Variants in DBN1 observed in about 807,000 individuals in gnomAD.
DBN1 encodes the protein drebrin.
DBN1 carries 21 observed loss-of-function variants against 83.5 expected under a neutral mutation model. That is an observed-to-expected ratio of 0.25 (90% CI 0.18 to 0.36). The LOEUF is 0.36. Among genes scored for constraint, DBN1 ranks in the 10% least tolerant of loss-of-function variants. The pLI is 1.00. For missense variants in DBN1, 874 were observed against 935.7 expected, an observed-to-expected ratio of 0.93 and a Z score of 0.86; for synonymous variants, 381 against 384.9, an observed-to-expected ratio of 0.99 and a Z score of 0.12.
chr5:177,460,041 C>A (rs949834296), intron 10 of DBN1, among the ~76,000 whole-genome samples: 1 of 152,218 alleles, frequency 6.6e-6, no homozygotes, highest in Non-Finnish European at 1.5e-5. Flanking sequence ...CACTGAGAAG[C>A]GGAACGGGGA....
At chr5:177,468,474 A>T in intron 2 of DBN1, 1 of 558,758 alleles carries the variant, frequency 1.8e-6, no homozygotes, top group Non-Finnish European at 3.2e-6. Context: ...CTTCACACTC[A>T]GGTCTCATTC....
At position 177,457,756 on chromosome 5, in the gene DBN1, G is replaced by C; in HGVS notation, c.1916C>G (p.Ala639Gly). The change falls in exon 14 of 15, where the codon GCC (alanine) becomes GGC (glycine). Residue 639 changes from alanine (A) to glycine (G), a missense_variant and splice_region_variant. Coordinates refer to ENST00000393565, the MANE Select transcript of DBN1 (RefSeq NM_001363541.2). ...GETTQKEGTQ[A>G]SEGYFSQSQE... ...TGATTGACTGAAGTACCCCTCACTG[G>C]CCTGCAGGGGAAAGCATCAGGTCAC... The C allele has an allele frequency of 6.3e-7, 1 of 1,598,148 alleles. No individual in the cohort carries two copies. Among genetic ancestry groups the C allele is most frequent in the Non-Finnish European group, 8.6e-7 (1 of 1,166,070 alleles).
Position 177,467,903 on chromosome 5 carries a change from G to T in DBN1, c.256-86C>A. ...GTGCATCTTCCCCGGGGTGGGAAGA[G>T]GGTGGGCTTCCCTCTCCACGGGTGT... On this transcript the variant is annotated intron_variant, in intron 3 of 14. Coordinates refer to ENST00000393565, the MANE Select transcript of DBN1 (RefSeq NM_001363541.2). The surrounding 1 kb of genome is among the most constrained non-coding windows in gnomAD (Gnocchi z 9.1). The T allele has an allele frequency of 1.3e-6, 2 of 1,508,360 alleles. No homozygotes were observed. The highest frequency in any genetic ancestry group is 1.7e-5 in the Admixed American group (1 of 58,776). 93.4% of individuals were successfully genotyped at this position (1,508,360 alleles called of 1,614,324 possible). A position where few individuals can be genotyped will look rare whatever the true frequency, so the allele number is the denominator to read the frequency against.
At chr5:177,460,800 G>T in intron 8 of DBN1, 97 bp from the exon 9 acceptor site, 1 of 1,308,736 alleles carries the variant, frequency 7.6e-7, no homozygotes, top group Non-Finnish European at 1.1e-6. Flanking sequence ...TTGTTTTTAA[G>T]ACAGGTTCTC....
At chr5:177,465,769 C>T (rs556883128) in intron 8 of DBN1, among the ~76,000 whole-genome samples, 2 of 150,606 alleles carry the variant, frequency 1.3e-5, no homozygotes, top group Admixed American at 6.6e-5. Flanking sequence ...GCGGGAGAAT[C>T]GCTTGAACCT....
In DBN1 at chr5:177,460,668, C is replaced by T. The variant is rs139280919; in HGVS notation, c.807G>A (p.Met269Ile). 5.5e-5 allele frequency: 88 copies of T among 1,614,212 alleles called. No homozygotes were observed. Among genetic ancestry groups the T allele is most frequent in the Non-Finnish European group, 6.9e-5 (81 of 1,180,036 alleles). ...DHRDEEEETHMKKSESEVEEA... is the reference protein window; with the variant it reads ...DHRDEEEETHIKKSESEVEEA... ...CCTCCACCTCCGACTCTGACTTCTT[C>T]ATGTGGGTCTCTTCCTCCTCATCCC... The change falls in exon 9 of 15, where the codon ATG becomes ATA. Residue 269 changes from methionine to isoleucine, a missense_variant. Physicochemically the swap from Met to Ile is conservative, Grantham distance 10 (BLOSUM62 1). Around this residue, in one of 4 missense-constraint regions of DBN1, gnomAD observed 725 missense variants for 719.7 expected, o/e 1.01. Transcript: ENST00000393565.
chr5:177,460,850 G>T (rs1756979778), intron 8 of DBN1, 147 bp from the exon 9 acceptor site: 3 of 757,268 alleles, frequency 4.0e-6, no homozygotes, highest in Admixed American at 5.0e-5. Flanking sequence ...TACAATCACG[G>T]CTCACTGCAG....
chr5:177,464,921 G>A (rs1466409885), intron 8 of DBN1, among the ~76,000 whole-genome samples: 2 of 152,088 alleles, frequency 1.3e-5, no homozygotes, highest in Non-Finnish European at 2.9e-5. Context: ...TTGGGTGGCT[G>A]AGGTGGGCAG....
chr5:177,463,829 T>C (rs553522180), intron 8 of DBN1, among the ~76,000 whole-genome samples: 2 of 152,218 alleles, frequency 1.3e-5, no homozygotes, highest in Non-Finnish European at 2.9e-5. Context: ...TTTGAAATGT[T>C]AGCAAAAAAA....
chr5:177,458,982 T>C, intron 12 of DBN1, 116 bp downstream of exon 12: 1 of 1,497,848 alleles, frequency 6.7e-7, no homozygotes, highest in Non-Finnish European at 8.9e-7. Context: ...TCCAGGGCAG[T>C]GCAGTCTTGG....
intron 2 of DBN1, 41 bp downstream of exon 2, chr5:177,468,803 G>T (rs1196613341): frequency 8.5e-6 from 11 of 1,290,400 alleles, no homozygotes; most frequent in Non-Finnish European, 1.0e-5. Flanking sequence ...ACCAGGAGGA[G>T]GGGGTGGAGA....
intron 1 of DBN1, among the ~76,000 whole-genome samples, chr5:177,469,813 G>T (rs1757717842): frequency 6.6e-6 from 1 of 152,244 alleles, no homozygotes; most frequent in South Asian, 2.1e-4. Context: ...TGGGAGGGAG[G>T]AGAGCCGGGG....
Position 177,473,574 on chromosome 5 carries a change from G to A in DBN1, c.-53C>T, listed in dbSNP as rs573227502. 1.2e-3 allele frequency: 1,485 copies of A among 1,222,332 alleles called. 14 individuals carry two copies. In the African/African-American group the frequency reaches 0.019, roughly 16 times the overall value. The allele number at this position is 1,222,332 out of a possible 1,614,324, so 75.7% of individuals were successfully genotyped here. A position where few individuals can be genotyped will look rare whatever the true frequency, so the allele number is the denominator to read the frequency against. On this transcript the variant is annotated 5_prime_UTR_variant, in exon 1 of 15. Coordinates refer to ENST00000393565, the MANE Select transcript of DBN1 (RefSeq NM_001363541.2). ...CAGACGCGCGGACGGACGGGCGGAC[G>A]GAGGAGGAGGGAGGGAAAGAGGGAG...
Position 177,458,831 on chromosome 5 carries a change from C to T in DBN1, c.1265-124G>A, listed in dbSNP as rs569844975. 8.6e-5 allele frequency: 94 copies of T among 1,095,348 alleles called. No individual in the cohort carries two copies. The African/African-American group carries it at 1.4e-3, about 16-fold the overall frequency. 67.9% of individuals were successfully genotyped at this position (1,095,348 alleles called of 1,614,324 possible). On this transcript the variant is annotated intron_variant, in intron 12 of 14. Transcript: ENST00000393565. ...ATGCAGGTGTCCCACTGCCCCCTTA[C>T]CCAGTGACCCCAGTGACTTTAAGCC... is the stretch of plus-strand genomic sequence containing the variant.
rs1172088144 is a variant in DBN1 at position 177,460,531 on chromosome 5, G to T, written c.856C>A (p.Arg286=). Residue 286 remains arginine (R), a synonymous_variant, in exon 10 of 15, where the codon CGG becomes AGG. Transcript: ENST00000393565. ...VEEAAAIIAQ[R]PDNPREFFKQ... ...AAGAACTCCCTTGGGTTGTCAGGCC[G>T]CTGGGCAATAATAGCTGCTGCCTCC... 6 of 1,614,164 alleles carry T rather than the reference G, an allele frequency of 3.7e-6. No individual in the cohort carries two copies. In the East Asian group the frequency reaches 8.9e-5, roughly 24 times the overall value.
intron 8 of DBN1, chr5:177,462,429 T>A (rs746748039): frequency 8.2e-5 from 81 of 985,042 alleles, no homozygotes; most frequent in Non-Finnish European, 9.3e-5. Context: ...AACAAGAGGC[T>A]TGTTCAGGTC....
At position 177,457,694 on chromosome 5, in the gene DBN1, C is replaced by G. The variant is rs1256289002; in HGVS notation, c.1978G>C (p.Ala660Pro). 3.7e-6 allele frequency: 6 copies of G among 1,611,966 alleles called. No homozygotes were observed. Among genetic ancestry groups the G allele is most frequent in the Non-Finnish European group, 5.1e-6 (6 of 1,178,340 alleles). The change falls in exon 14 of 15, where the codon GCC becomes CCC. Residue 660 changes from alanine to proline, a missense_variant. Physicochemically the swap from Ala to Pro is conservative, Grantham distance 27. Coordinates refer to ENST00000393565, the MANE Select transcript of DBN1 (RefSeq NM_001363541.2). ...EEFAQSEELCAKAPPPVFYNK... is the reference protein window; with the variant it reads ...EEFAQSEELCPKAPPPVFYNK... ...TAGAACACAGGAGGCGGAGCCTTGG[C>G]ACAGAGCTCTTCCGATTGGGCAAAC...
chr5:177,457,640 C>T lies in DBN1; in HGVS notation c.2017+15G>A, dbSNP rs79853090. 12,043 of 1,573,332 alleles carry T rather than the reference C, an allele frequency of 7.7e-3. 61 individuals carry two copies. The highest frequency in any genetic ancestry group is 0.022 in the African/African-American group (1,618 of 74,248). ...CCGCACCCAAATTCCTCCCCATCAT[C>T]CAGCCCAGTACTACCTGGAGGCTTG... On this transcript the variant is annotated intron_variant, in intron 14 of 14. Coordinates refer to ENST00000393565, the MANE Select transcript of DBN1 (RefSeq NM_001363541.2).
chr5:177,470,549 C>G (rs943344492), intron 1 of DBN1, among the ~76,000 whole-genome samples: 1 of 152,162 alleles, frequency 6.6e-6, no homozygotes, highest in African/African-American at 2.4e-5. Flanking sequence ...ATTGGACCAC[C>G]CTGTCCACAC....
Sources: allele counts gnomAD v4.1 joint callset (sites outside exome capture counted in the v4.1 genomes callset), GRCh38; gene constraint gnomAD v4.1.1; regional missense constraint gnomAD v4.1.1; non-coding constraint Gnocchi (gnomAD v3.1); transcripts MANE v1.5; gene names NCBI Gene and HGNC (gene_info 2026-07-23, HGNC 2026-07-21).